SH3BGRL2: variants seen among roughly 807,000 people sequenced by gnomAD.
SH3BGRL2 encodes SH3 domain binding glutamate rich protein like 2.
SH3BGRL2 carries 21 observed loss-of-function variants against 14.8 expected under a neutral mutation model. The ratio of observed to expected loss-of-function variants is 1.42; its 90% CI spans 1.01 to 2.05. The LOEUF is 2.05. SH3BGRL2 is among the 30% of genes most tolerant of loss of function. The pLI is 0.00. For missense variants in SH3BGRL2, 147 were observed against 130.8 expected, an observed-to-expected ratio of 1.12 and a Z score of -0.61; for synonymous variants, 50 against 47.8, an observed-to-expected ratio of 1.05 and a Z score of -0.19.
At chr6:79,587,236 G>C in the SH3BGRL2 span, among the ~76,000 whole-genome samples, 2 of 152,068 alleles carry the variant, frequency 1.3e-5, no homozygotes, top group Non-Finnish European at 2.9e-5. Flanking sequence ...AGAATTTTTA[G>C]TATAAAAGGA....
the SH3BGRL2 span, among the ~76,000 whole-genome samples, chr6:79,560,526 T>A: frequency 6.6e-6 from 1 of 152,110 alleles, no homozygotes; most frequent in Non-Finnish European, 1.5e-5. Context: ...CACTACAGAC[T>A]GGGCAATATA....
intron 2 of SH3BGRL2, among the ~76,000 whole-genome samples, chr6:79,695,513 C>T (rs1770313207): frequency 6.6e-6 from 1 of 152,178 alleles, no homozygotes; most frequent in Non-Finnish European, 1.5e-5. Context: ...GTGCCCCATA[C>T]TTGGTTTCCT....
At chr6:79,678,442 A>G (rs1049198001) in intron 2 of SH3BGRL2, among the ~76,000 whole-genome samples, 1 of 152,184 alleles carries the variant, frequency 6.6e-6, no homozygotes, top group African/African-American at 2.4e-5. Context: ...AGGTTCATCC[A>G]TGTTCTAGCA....
intron 2 of SH3BGRL2, among the ~76,000 whole-genome samples, chr6:79,674,560 C>T (rs1022103326): frequency 1.1e-4 from 16 of 152,008 alleles, no homozygotes; most frequent in South Asian, 4.2e-4. Flanking sequence ...TATTTAAGGA[C>T]GGTCTAAAGA....
At chr6:79,672,219 A>C (rs1769788436) in intron 1 of SH3BGRL2, among the ~76,000 whole-genome samples, 1 of 151,866 alleles carries the variant, frequency 6.6e-6, no homozygotes. Context: ...TCTTCTTTTT[A>C]CTCTTTTGAA....
At position 79,673,635 on chromosome 6, in the gene SH3BGRL2, G is replaced by T; in HGVS notation, c.67G>T (p.Val23Leu). ...TTAGATAAAGAAGAAGCAGCAAGAT[G>T]TGGTTAGATTTCTGGAAGCCAACAA... is the stretch of plus-strand genomic sequence containing the variant. Reference protein sequence around the residue: ...FVAIKKKQQDVVRFLEANKIE... With the variant: ...FVAIKKKQQDLVRFLEANKIE... Residue 23 changes from valine to leucine, a missense_variant, in exon 2 of 4, where the codon GTG (valine) becomes TTG (leucine). By Grantham distance (32) the Val-to-Leu change is conservative (BLOSUM62 1). Transcript: ENST00000369838. 1 of 1,614,060 alleles carries T rather than the reference G, an allele frequency of 6.2e-7. No individual in the cohort carries two copies. Among genetic ancestry groups the T allele is most frequent in the East Asian group, 2.2e-5 (1 of 44,880 alleles).
At chr6:79,590,098 G>A in the SH3BGRL2 span, among the ~76,000 whole-genome samples, 1 of 151,970 alleles carries the variant, frequency 6.6e-6, no homozygotes, top group Non-Finnish European at 1.5e-5. Flanking sequence ...TAGTATGAAA[G>A]TAGCATCTGC....
chr6:79,614,759 G>T, the SH3BGRL2 span, among the ~76,000 whole-genome samples: 2 of 152,116 alleles, frequency 1.3e-5, no homozygotes, highest in African/African-American at 4.8e-5. Flanking sequence ...GGTGGGAAAA[G>T]GTATATGTTT....
chr6:79,578,298 CTG>C, the SH3BGRL2 span, among the ~76,000 whole-genome samples: 2 of 152,222 alleles, frequency 1.3e-5, no homozygotes, highest in East Asian at 3.9e-4. Context: ...TGTTTGAGCT[CTG>C]AGAATGGACA....
chr6:79,583,162 G>T, the SH3BGRL2 span, among the ~76,000 whole-genome samples: 1 of 152,190 alleles, frequency 6.6e-6, no homozygotes, highest in South Asian at 2.1e-4. Context: ...GGAGAAATAG[G>T]AATGCTTTTA....
chr6:79,584,022 A>G, the SH3BGRL2 span, among the ~76,000 whole-genome samples: 2 of 152,250 alleles, frequency 1.3e-5, no homozygotes, highest in Admixed American at 1.3e-4. Context: ...GATGAGCCAT[A>G]TAAACAGTCT....
intron 1 of SH3BGRL2, among the ~76,000 whole-genome samples, chr6:79,633,410 T>G (rs1188344225): frequency 6.6e-6 from 1 of 152,156 alleles, no homozygotes; most frequent in African/African-American, 2.4e-5. Flanking sequence ...ACCTACCTAT[T>G]AGTCTCAAGG....
rs150317658 is a variant in SH3BGRL2, at chr6:79,648,914, T to C, written c.45+17408T>C. Among the ~76,000 whole-genome samples the C allele has an allele frequency of 2.1e-4, 32 of 152,314 alleles. 3 individuals carry two copies. In the East Asian group the frequency reaches 6.2e-3, roughly 29 times the overall value. ...GAATCTGTGTTATTAAAGATAACTT[T>C]ATTGTAGAATTCTATTCGATATCAG... On this transcript the variant is annotated intron_variant, in intron 1 of 3. Transcript: ENST00000369838.
At chr6:79,631,106 C>T (rs1454874942), upstream of SH3BGRL2, among the ~76,000 whole-genome samples, 4 of 152,220 alleles carry the variant, frequency 2.6e-5, no homozygotes, top group Admixed American at 2.0e-4. Flanking sequence ...ACCCACCTCA[C>T]AGCTTCTGCC....
At chr6:79,589,479 G>A in the SH3BGRL2 span, among the ~76,000 whole-genome samples, 12 of 152,070 alleles carry the variant, frequency 7.9e-5, no homozygotes, top group Non-Finnish European at 1.5e-5. Flanking sequence ...TCATTCTATA[G>A]TACCAATCAT....
chr6:79,662,461 T>G lies in SH3BGRL2; in HGVS notation c.46-11153T>G, dbSNP rs568349979. On this transcript the variant is annotated intron_variant, in intron 1 of 3. Transcript: ENST00000369838. ...TTGAAAATTCTTTTGTTTAAGAATG[T>G]TGACTATTGGCCCCCACTCTCATCC... 5.3e-5 allele frequency among the ~76,000 whole-genome samples: 8 copies of G among 152,342 alleles called. No homozygotes were observed. In the East Asian group the frequency reaches 1.5e-3, roughly 29 times the overall value.
At chr6:79,599,978 A>G in the SH3BGRL2 span, among the ~76,000 whole-genome samples, 5 of 152,200 alleles carry the variant, frequency 3.3e-5, no homozygotes, top group Non-Finnish European at 7.3e-5. Context: ...ACAAGAAAGC[A>G]GATAAGCTAT....
At chr6:79,557,031 A>AAT in the SH3BGRL2 span, among the ~76,000 whole-genome samples, 26 of 151,560 alleles carry the variant, frequency 1.7e-4, no homozygotes, top group East Asian at 2.7e-3. Context: ...GGAAATCCAA[A>AAT]ATATATATAT....
At chr6:79,578,836 G>A in the SH3BGRL2 span, among the ~76,000 whole-genome samples, 1 of 152,102 alleles carries the variant, frequency 6.6e-6, no homozygotes, top group South Asian at 2.1e-4. Context: ...CAGAAATTCA[G>A]TAATAACAAA....
Sources: allele counts gnomAD v4.1 joint callset (sites outside exome capture counted in the v4.1 genomes callset), GRCh38; gene constraint gnomAD v4.1.1; transcripts MANE v1.5; gene names NCBI Gene and HGNC (gene_info 2026-07-23, HGNC 2026-07-21).